Variants in DPH6 observed in about 807,000 individuals in gnomAD.
DPH6 encodes the protein diphthamine biosynthesis 6.
DPH6 carries 33 observed loss-of-function variants against 38.2 expected under a neutral mutation model. That is an observed-to-expected ratio of 0.86 (90% CI 0.65 to 1.15). The LOEUF (loss-of-function observed/expected upper bound fraction) is 1.15. DPH6 is among the 50% of genes most tolerant of loss of function. The pLI is 0.00. For missense variants in DPH6, 325 were observed against 320.0 expected (o/e 1.02, Z -0.12); for synonymous variants, 108 against 103.0 (o/e 1.05, Z -0.30).
At chr15:35,214,066 T>C (rs979550249), downstream of DPH6, among the ~76,000 whole-genome samples, 8 of 149,916 alleles carry the variant, frequency 5.3e-5, no homozygotes, top group Non-Finnish European at 1.2e-4. Context: ...GAGCTGAGAT[T>C]GCGCCACTGC....
At chr15:35,391,919 G>A (rs1040027647) in intron 6 of DPH6, among the ~76,000 whole-genome samples, 6 of 152,266 alleles carry the variant, frequency 3.9e-5, no homozygotes, top group South Asian at 2.1e-4. Context: ...GAAATCACCC[G>A]TCTTCTGCGT....
intron 3 of DPH6, chr15:35,521,961 C>A: frequency 7.0e-7 from 1 of 1,422,296 alleles, no homozygotes; most frequent in South Asian, 1.6e-5. Context: ...CAAATCTTGC[C>A]TAGGTAAGTA....
chr15:35,322,218 A>G (rs1046154867), intron 3 of DPH6, among the ~76,000 whole-genome samples: 9 of 152,210 alleles, frequency 5.9e-5, no homozygotes, highest in African/African-American at 2.2e-4. Context: ...GCCACATGAT[A>G]TCTTGAGCAG....
chr15:35,404,294 G>A (rs1466371486), intron 6 of DPH6, among the ~76,000 whole-genome samples: 1 of 151,970 alleles, frequency 6.6e-6, no homozygotes, highest in Non-Finnish European at 1.5e-5. Context: ...GTTTTTTGAG[G>A]AGCCTCCAAA....
chr15:35,489,450 AT>A (rs1191374755), intron 3 of DPH6: 10 of 984,138 alleles, frequency 1.0e-5, no homozygotes, highest in Non-Finnish European at 1.1e-5. Flanking sequence ...CCAAGACTCA[AT>A]TAATATATTA....
At chr15:35,521,928 A>C (rs1367219693) in intron 3 of DPH6, 3 of 1,418,954 alleles carry the variant, frequency 2.1e-6, no homozygotes, top group Middle Eastern at 2.6e-4. Flanking sequence ...GAATACATGG[A>C]AAGTTCATTT....
chr15:35,534,577 CAAGA>C (rs2055140136), intron 3 of DPH6, among the ~76,000 whole-genome samples: 2 of 150,970 alleles, frequency 1.3e-5, no homozygotes, highest in South Asian at 2.1e-4. Context: ...AAAAATTTAA[CAAGA>C]AAGTAGGGAA....
chr15:35,402,408 A>C (rs2053232445), intron 6 of DPH6, among the ~76,000 whole-genome samples: 1 of 152,180 alleles, frequency 6.6e-6, no homozygotes, highest in African/African-American at 2.4e-5. Flanking sequence ...GTACCAGATA[A>C]AATTATAGAT....
chr15:35,538,582 A>G, intron 2 of DPH6, 115 bp from the exon 3 acceptor site: 3 of 879,450 alleles, frequency 3.4e-6, no homozygotes, highest in South Asian at 3.2e-5. Context: ...AAAGCTTGCT[A>G]TACTATGTTT....
At chr15:35,532,694 T>C (rs2055106251) in intron 3 of DPH6, among the ~76,000 whole-genome samples, 1 of 152,086 alleles carries the variant, frequency 6.6e-6, no homozygotes, top group South Asian at 2.1e-4. Flanking sequence ...AGCAACTGAA[T>C]ATACAGGTCC....
chr15:35,149,394 C>T, the DPH6 span, among the ~76,000 whole-genome samples: 11 of 152,234 alleles, frequency 7.2e-5, no homozygotes, highest in African/African-American at 9.6e-5. Context: ...CCCACTACTA[C>T]GCCCAGCTAA....
At chr15:35,182,682 T>C in the DPH6 span, among the ~76,000 whole-genome samples, 3 of 152,214 alleles carry the variant, frequency 2.0e-5, no homozygotes, top group East Asian at 1.9e-4. Context: ...GCTATACAAA[T>C]GATATTATTT....
intron 3 of DPH6, among the ~76,000 whole-genome samples, chr15:35,305,940 T>G (rs1423538280): frequency 6.6e-6 from 1 of 152,318 alleles, no homozygotes; most frequent in Middle Eastern, 3.4e-3. Flanking sequence ...TCTGTGCACT[T>G]TGGATCACCT....
intron 3 of DPH6, among the ~76,000 whole-genome samples, chr15:35,527,605 G>T (rs2055023988): frequency 6.6e-6 from 1 of 152,094 alleles, no homozygotes; most frequent in Non-Finnish European, 1.5e-5. Context: ...ATTCAGTGGG[G>T]TGAACTGAGG....
intron 3 of DPH6, chr15:35,489,596 C>T (rs902998808): frequency 2.0e-6 from 2 of 982,582 alleles, no homozygotes; most frequent in Non-Finnish European, 2.4e-6. Context: ...AAAATACCTA[C>T]CCAAGAGCAA....
the DPH6 span, among the ~76,000 whole-genome samples, chr15:35,178,440 C>G: frequency 6.6e-6 from 1 of 152,082 alleles, no homozygotes. Flanking sequence ...CTCTCCTTTA[C>G]AAAACCATCA....
intron 3 of DPH6, among the ~76,000 whole-genome samples, chr15:35,238,893 TTGAC>T (rs1270152373): frequency 6.7e-6 from 1 of 150,228 alleles, no homozygotes; most frequent in Non-Finnish European, 1.5e-5. Context: ...ACAACCCTCT[TTGAC>T]TGTAATTTTC....
chr15:35,166,965 A>T, the DPH6 span, among the ~76,000 whole-genome samples: 2 of 152,000 alleles, frequency 1.3e-5, no homozygotes, highest in African/African-American at 2.4e-5. Flanking sequence ...ATTAAAGAAG[A>T]AGTCATTTTC....
At chr15:35,228,574 C>T (rs370773385) in intron 3 of DPH6, among the ~76,000 whole-genome samples, 7 of 152,256 alleles carry the variant, frequency 4.6e-5, no homozygotes, top group African/African-American at 1.7e-4. Flanking sequence ...ACCACAGACA[C>T]GTGCCACTAT....
Sources: allele counts gnomAD v4.1 joint callset (sites outside exome capture counted in the v4.1 genomes callset), GRCh38; gene constraint gnomAD v4.1.1; transcripts MANE v1.5; gene names NCBI Gene and HGNC (gene_info 2026-07-23, HGNC 2026-07-21).